The following PID1 variants were observed in gnomAD, a reference collection of about 807,000 sequenced individuals.
PID1 encodes PTB-containing, cubilin and LRP1-interacting protein.
PID1 carries 10 observed loss-of-function variants against 19.1 expected under a neutral mutation model. The observed-to-expected ratio is 0.52, with a 90% CI of 0.32 to 0.89. The LOEUF (loss-of-function observed/expected upper bound fraction) is 0.89. Among genes scored for constraint, PID1 ranks in the 40% least tolerant of loss-of-function variants. The probability of loss-of-function intolerance (pLI) is 0.03; values close to 1 mark genes in which losing one functional copy is unlikely to be tolerated. For missense variants in PID1, 248 were observed against 285.3 expected (o/e 0.87, Z 0.94); for synonymous variants, 130 against 116.0 (o/e 1.12, Z -0.78).
intron 1 of PID1, among the ~76,000 whole-genome samples, chr2:229,216,044 G>A (rs1691839609): frequency 6.6e-6 from 1 of 152,196 alleles, no homozygotes; most frequent in Non-Finnish European, 1.5e-5. Context: ...CTGCAGAAGA[G>A]GATGTCCCCC....
chr2:229,030,564 C>G (rs1022547248), intron 2 of PID1, among the ~76,000 whole-genome samples: 1 of 145,084 alleles, frequency 6.9e-6, no homozygotes, highest in African/African-American at 2.6e-5. Flanking sequence ...AGAAAAAATC[C>G]TGATTTGCTC....
At chr2:229,068,428 T>C (rs966917087) in intron 2 of PID1, among the ~76,000 whole-genome samples, 1 of 116,498 alleles carries the variant, frequency 8.6e-6, no homozygotes, top group Non-Finnish European at 1.7e-5. Context: ...TAACGAATAC[T>C]GCAGTTTGTC....
At chr2:229,139,229 T>C (rs954911845) in intron 2 of PID1, among the ~76,000 whole-genome samples, 1 of 152,112 alleles carries the variant, frequency 6.6e-6, no homozygotes, top group Non-Finnish European at 1.5e-5. Flanking sequence ...TTCACCATGA[T>C]AGGGCACTTA....
At chr2:229,032,771 C>T (rs932721740) in intron 2 of PID1, among the ~76,000 whole-genome samples, 4 of 152,334 alleles carry the variant, frequency 2.6e-5, no homozygotes, top group Non-Finnish European at 5.9e-5. Context: ...ATGTGTCATT[C>T]CATGGCATAA....
At chr2:229,146,833 A>C (rs1264689857) in intron 2 of PID1, among the ~76,000 whole-genome samples, 1 of 152,156 alleles carries the variant, frequency 6.6e-6, no homozygotes, top group Non-Finnish European at 1.5e-5. Flanking sequence ...TGTGACCACC[A>C]TGCAGAGATT....
chr2:229,245,441 T>A (rs1689976874), intron 1 of PID1, among the ~76,000 whole-genome samples: 1 of 152,174 alleles, frequency 6.6e-6, no homozygotes, highest in Non-Finnish European at 1.5e-5. Flanking sequence ...CAGCCTTTAC[T>A]AACAACAATT....
chr2:229,170,622 T>C (rs1184200604), intron 1 of PID1, among the ~76,000 whole-genome samples: 2 of 152,234 alleles, frequency 1.3e-5, no homozygotes, highest in Non-Finnish European at 1.5e-5. Context: ...TTCTTGATAA[T>C]TTTTATTTTC....
intron 1 of PID1, among the ~76,000 whole-genome samples, chr2:229,213,481 T>G: frequency 6.6e-6 from 1 of 152,210 alleles, no homozygotes; most frequent in East Asian, 1.9e-4. Context: ...AAACCTAGAC[T>G]TCAGAAAGCT....
chr2:229,042,034 T>C (rs1334224271), intron 2 of PID1, among the ~76,000 whole-genome samples: 3 of 152,204 alleles, frequency 2.0e-5, no homozygotes, highest in East Asian at 1.9e-4. Flanking sequence ...ATTGTATAAA[T>C]GTCAATTTTC....
At chr2:229,057,504 A>C (rs1042310175) in intron 2 of PID1, among the ~76,000 whole-genome samples, 2 of 152,080 alleles carry the variant, frequency 1.3e-5, no homozygotes, top group African/African-American at 2.4e-5. Flanking sequence ...ACTCCAAAGA[A>C]GCTACTGCAT....
intron 1 of PID1, chr2:229,236,628 G>A (rs1454980702): frequency 6.6e-6 from 1 of 152,104 alleles, no homozygotes; most frequent in African/African-American, 2.4e-5. Context: ...AATCTTCAAG[G>A]AAGAGCAGAG....
At chr2:229,108,680 T>G (rs1305585292) in intron 2 of PID1, among the ~76,000 whole-genome samples, 1 of 152,168 alleles carries the variant, frequency 6.6e-6, no homozygotes, top group Non-Finnish European at 1.5e-5. Flanking sequence ...TCTGGGACTC[T>G]AGCAACTACG....
At chr2:229,231,772 T>A (rs755774836) in intron 1 of PID1, among the ~76,000 whole-genome samples, 1 of 152,210 alleles carries the variant, frequency 6.6e-6, no homozygotes, top group Non-Finnish European at 1.5e-5. Context: ...TTGCCATGGA[T>A]GTGTCTCAAT....
At chr2:229,233,639 C>T (rs1692263742) in intron 1 of PID1, among the ~76,000 whole-genome samples, 1 of 152,014 alleles carries the variant, frequency 6.6e-6, no homozygotes. Flanking sequence ...TTACAGGCAC[C>T]CACCACCACG....
At chr2:229,082,209 C>G (rs1694682146) in intron 2 of PID1, among the ~76,000 whole-genome samples, 1 of 152,226 alleles carries the variant, frequency 6.6e-6, no homozygotes, top group African/African-American at 2.4e-5. Context: ...GAGGCTCCAA[C>G]ATGGACTATG....
chr2:229,219,321 G>C (rs1691914271), intron 1 of PID1, among the ~76,000 whole-genome samples: 1 of 152,098 alleles, frequency 6.6e-6, no homozygotes, highest in African/African-American at 2.4e-5. Context: ...CATGGCAAAA[G>C]GGGCAGCAAA....
chr2:229,068,730 G>A (rs1189500118), intron 2 of PID1, among the ~76,000 whole-genome samples: 2 of 152,268 alleles, frequency 1.3e-5, no homozygotes, highest in South Asian at 2.1e-4. Flanking sequence ...ACAGGAAGCC[G>A]CCCGCAAGGG....
At chr2:229,130,094 C>T (rs1055196224) in intron 2 of PID1, among the ~76,000 whole-genome samples, 1 of 152,224 alleles carries the variant, frequency 6.6e-6, no homozygotes, top group Non-Finnish European at 1.5e-5. Context: ...AATCTCAGCT[C>T]GCTTTTACTG....
chr2:229,057,291 G>A (rs1418349085), intron 2 of PID1, among the ~76,000 whole-genome samples: 3 of 151,872 alleles, frequency 2.0e-5, no homozygotes, highest in Non-Finnish European at 4.4e-5. Flanking sequence ...ACAAAAATTA[G>A]CTGGGCACGA....
Sources: gnomAD v4.1 joint callset for allele counts (sites outside exome capture counted in the v4.1 genomes callset) on GRCh38, gnomAD v4.1.1 for gene constraint, MANE v1.5 for transcripts, NCBI Gene and HGNC (gene_info 2026-07-23, HGNC 2026-07-21) for gene names.